Variants in DACH2 observed in about 807,000 individuals in gnomAD.
DACH2 encodes the protein dachshund family transcription factor 2.
In DACH2, 17 loss-of-function variants were observed where a neutral mutation model predicts 35.8. The observed-to-expected ratio is 0.48, with a 90% confidence interval of 0.33 to 0.71. DACH2 has a LOEUF of 0.71. DACH2 is among the 30% of genes least tolerant of loss of function. The pLI is 0.02. For missense variants in DACH2, 469 were observed against 472.7 expected (o/e 0.99, Z 0.07); for synonymous variants, 195 against 177.3 (o/e 1.10, Z -0.79).
At chrX:86,644,980 C>A (rs1321939217) in intron 3 of DACH2, among the ~76,000 whole-genome samples, 1 of 110,437 alleles carries the variant, frequency 9.1e-6, no homozygotes, top group Non-Finnish European at 1.9e-5. Flanking sequence ...ACAACCTAGG[C>A]AATACCATCC....
chrX:86,389,753 C>T (rs1569373783), intron 2 of DACH2, among the ~76,000 whole-genome samples: 1 of 111,965 alleles, frequency 8.9e-6, no homozygotes, highest in Non-Finnish European at 1.9e-5. Flanking sequence ...CGATAAACTA[C>T]TTAATAATGT....
rs1288345380 is a variant in DACH2 at position 86,374,377 on chromosome X, A to G, written c.489-2447A>G. ...TAACTTCTTGGGTCTCAGCCAGAGT[A>G]GAATCACCTTCTAGTCATAACTTGT... is the stretch of plus-strand genomic sequence containing the variant. On this transcript the variant is annotated intron_variant, in intron 1 of 11. Transcript: ENST00000373125. 3.6e-5 allele frequency among the ~76,000 whole-genome samples: 4 copies of G among 111,295 alleles called. No individual in the cohort carries two copies. In the South Asian group the frequency reaches 1.5e-3, roughly 41 times the overall value.
At chrX:86,391,398 A>G (rs2036201334) in intron 2 of DACH2, among the ~76,000 whole-genome samples, 1 of 107,320 alleles carries the variant, frequency 9.3e-6, no homozygotes, top group Non-Finnish European at 1.9e-5. Flanking sequence ...GGTTCTTTCC[A>G]GTGGAATTGT....
At chrX:86,628,476 C>A (rs1469800799) in intron 3 of DACH2, among the ~76,000 whole-genome samples, 1 of 112,221 alleles carries the variant, frequency 8.9e-6, no homozygotes, top group African/African-American at 3.2e-5. Flanking sequence ...GCTAGACAAA[C>A]ACTATCCTCG....
At chrX:86,404,862 C>G (rs1284567900) in intron 2 of DACH2, among the ~76,000 whole-genome samples, 1 of 112,268 alleles carries the variant, frequency 8.9e-6, no homozygotes, top group Non-Finnish European at 1.9e-5. Flanking sequence ...TCCTTACATC[C>G]TTGAAAATCT....
chrX:86,181,698 C>T (rs752921968), intron 1 of DACH2, among the ~76,000 whole-genome samples: 3 of 111,501 alleles, frequency 2.7e-5, no homozygotes, highest in Admixed American at 9.5e-5. Flanking sequence ...GGGGTATATA[C>T]CCAGTAATGG....
At chrX:86,283,742 G>A (rs1031404527) in intron 1 of DACH2, among the ~76,000 whole-genome samples, 4 of 106,595 alleles carry the variant, frequency 3.8e-5, no homozygotes, top group Non-Finnish European at 5.8e-5. Flanking sequence ...GGGGGACTGG[G>A]TGGGGGATAG....
chrX:86,206,568 T>C (rs1360793264), intron 1 of DACH2, among the ~76,000 whole-genome samples: 1 of 112,225 alleles, frequency 8.9e-6, no homozygotes, highest in Non-Finnish European at 1.9e-5. Context: ...CATGATACAA[T>C]AGAAAGATAC....
At chrX:86,398,261 T>C (rs2036342486) in intron 2 of DACH2, among the ~76,000 whole-genome samples, 1 of 112,658 alleles carries the variant, frequency 8.9e-6, no homozygotes, top group Non-Finnish European at 1.9e-5. Flanking sequence ...TTATTGCATC[T>C]ATTTGATTCT....
At chrX:86,299,748 G>A (rs2034538113) in intron 1 of DACH2, among the ~76,000 whole-genome samples, 1 of 111,653 alleles carries the variant, frequency 9.0e-6, no homozygotes, top group Non-Finnish European at 1.9e-5. Flanking sequence ...TCCACATAGA[G>A]CTTGGCTTAA....
intron 1 of DACH2, among the ~76,000 whole-genome samples, chrX:86,321,114 G>A (rs1302616514): frequency 1.8e-5 from 2 of 111,387 alleles, no homozygotes; most frequent in African/African-American, 6.5e-5. Context: ...GTCTGACAGA[G>A]CTGAGCTTTA....
intron 7 of DACH2, among the ~76,000 whole-genome samples, chrX:86,741,678 G>T (rs1025392335): frequency 2.7e-5 from 3 of 111,443 alleles, no homozygotes; most frequent in African/African-American, 9.8e-5. Flanking sequence ...ATGAGTGACC[G>T]CTAATGAATT....
At position 86,452,371 on chromosome X, in the gene DACH2, A is replaced by G. The variant is rs138425031; in HGVS notation, c.528-61908A>G. Among the ~76,000 whole-genome samples the G allele has an allele frequency of 4.7e-3, 528 of 111,438 alleles. 2 individuals carry two copies. Among genetic ancestry groups the G allele is most frequent in the African/African-American group, 0.016 (505 of 30,682 alleles). On this transcript the variant is annotated intron_variant, in intron 2 of 11. Transcript: ENST00000373125. ...GTTAGGGAGGAGTCCTTCGTTTTCA[A>G]TTTTTTGGAATAGTTTCAGTAGAAA...
At chrX:86,763,447 G>A (rs753349027) in intron 7 of DACH2, among the ~76,000 whole-genome samples, 4 of 111,608 alleles carry the variant, frequency 3.6e-5, no homozygotes, top group South Asian at 3.7e-4. Context: ...TTAAGATGAC[G>A]TTTACTTTTT....
At chrX:86,691,547 A>G (rs995002831) in intron 4 of DACH2, among the ~76,000 whole-genome samples, 23 of 111,395 alleles carry the variant, frequency 2.1e-4, no homozygotes, top group African/African-American at 7.2e-4. Context: ...CCTAGAGTGG[A>G]CTCTAATCCA....
intron 3 of DACH2, among the ~76,000 whole-genome samples, chrX:86,553,164 C>T (rs1242538742): frequency 9.0e-6 from 1 of 111,266 alleles, no homozygotes; most frequent in Non-Finnish European, 1.9e-5. Flanking sequence ...GGGAAGCCGA[C>T]GGTGCAGCCT....
intron 7 of DACH2, among the ~76,000 whole-genome samples, chrX:86,758,032 T>C (rs941456348): frequency 1.8e-5 from 2 of 112,188 alleles, no homozygotes; most frequent in Non-Finnish European, 3.8e-5. Context: ...TCTAGGTTTT[T>C]CAGTTTGTTA....
intron 2 of DACH2, among the ~76,000 whole-genome samples, chrX:86,382,706 A>G (rs1191719867): frequency 9.0e-6 from 1 of 110,833 alleles, no homozygotes; most frequent in East Asian, 2.8e-4. Context: ...TAGTCCTGGG[A>G]AAATGTTTTG....
In DACH2 at chrX:86,275,446, T is replaced by C. The variant is rs5968847; in HGVS notation, c.489-101378T>C. On this transcript the variant is annotated intron_variant, in intron 1 of 11. Transcript: ENST00000373125. Reference sequence around the variant, plus strand: ...TGGGTACATAGTAGGTGTATATATTTATGAGGTACATTAGATGTTTTGATC... The same window carrying C: ...TGGGTACATAGTAGGTGTATATATTCATGAGGTACATTAGATGTTTTGATC... 1.8e-3 allele frequency among the ~76,000 whole-genome samples: 201 copies of C among 111,575 alleles called. 1 individual carries two copies. The highest frequency in any genetic ancestry group is 6.3e-3 in the African/African-American group (194 of 30,760).
Sources: allele counts gnomAD v4.1 joint callset (sites outside exome capture counted in the v4.1 genomes callset), GRCh38; gene constraint gnomAD v4.1.1; transcripts MANE v1.5; gene names NCBI Gene and HGNC (gene_info 2026-07-23, HGNC 2026-07-21).